CCDC178: variants seen among roughly 807,000 people sequenced by gnomAD.
CCDC178 encodes the protein coiled-coil domain-containing protein 178.
A neutral mutation model predicts 117.4 loss-of-function variants in CCDC178; 126 were observed. That is an observed-to-expected ratio of 1.07 (90% CI 0.93 to 1.24). The LOEUF is 1.24. Among genes scored for constraint, CCDC178 ranks in the 50% most tolerant of loss-of-function variants. The pLI is 0.00. For missense variants in CCDC178, 1,030 were observed against 986.9 expected, an observed-to-expected ratio of 1.04 and a Z score of -0.59; for synonymous variants, 283 against 313.4, an observed-to-expected ratio of 0.90 and a Z score of 1.02.
At chr18:33,354,193 T>C (rs544582502) in intron 7 of CCDC178, among the ~76,000 whole-genome samples, 2 of 152,326 alleles carry the variant, frequency 1.3e-5, no homozygotes, top group East Asian at 3.9e-4. Flanking sequence ...AAGTTGCTTC[T>C]CTTGTGCTGC....
intron 22 of CCDC178, among the ~76,000 whole-genome samples, chr18:32,951,786 C>G (rs2054491117): frequency 6.6e-6 from 1 of 152,150 alleles, no homozygotes; most frequent in South Asian, 2.1e-4. Flanking sequence ...TCCTTTTGAC[C>G]TATGAGCCTG....
At chr18:33,143,443 C>T (rs1344076087) in intron 20 of CCDC178, among the ~76,000 whole-genome samples, 1 of 152,122 alleles carries the variant, frequency 6.6e-6, no homozygotes, top group Non-Finnish European at 1.5e-5. Flanking sequence ...ATAAATGTAG[C>T]CCCTGAATAT....
intron 9 of CCDC178, among the ~76,000 whole-genome samples, chr18:33,344,027 G>A (rs1303800526): frequency 2.6e-5 from 4 of 151,966 alleles, no homozygotes; most frequent in Admixed American, 6.6e-5. Context: ...AAATACGGCC[G>A]GGCGCGGTGG....
intron 22 of CCDC178, among the ~76,000 whole-genome samples, chr18:32,963,104 A>C (rs1485382518): frequency 6.6e-6 from 1 of 152,106 alleles, no homozygotes; most frequent in Non-Finnish European, 1.5e-5. Flanking sequence ...GGTTAAGAAC[A>C]GGTACCTCAC....
At chr18:33,106,441 A>G (rs2057705588) in intron 20 of CCDC178, among the ~76,000 whole-genome samples, 1 of 151,704 alleles carries the variant, frequency 6.6e-6, no homozygotes, top group African/African-American at 2.4e-5. Context: ...TAGCCTTTAT[A>G]CGGAAACCTG....
At chr18:32,958,398 TC>T (rs960110507) in intron 22 of CCDC178, among the ~76,000 whole-genome samples, 1 of 152,210 alleles carries the variant, frequency 6.6e-6, no homozygotes, top group African/African-American at 2.4e-5. Context: ...AAAACCAGTG[TC>T]TTTAAATAAG....
chr18:33,094,087 A>G (rs1381071160), intron 20 of CCDC178, among the ~76,000 whole-genome samples: 1 of 152,076 alleles, frequency 6.6e-6, no homozygotes, highest in Non-Finnish European at 1.5e-5. Context: ...ACACACTTGA[A>G]GATTTATTAA....
At chr18:33,125,551 A>T (rs961754929) in intron 20 of CCDC178, among the ~76,000 whole-genome samples, 1 of 152,232 alleles carries the variant, frequency 6.6e-6, no homozygotes, top group African/African-American at 2.4e-5. Flanking sequence ...TTCTTAAAGA[A>T]AATGCAGAGT....
intron 10 of CCDC178, among the ~76,000 whole-genome samples, chr18:33,332,658 C>T (rs1265765667): frequency 6.6e-6 from 1 of 152,098 alleles, no homozygotes; most frequent in Non-Finnish European, 1.5e-5. Flanking sequence ...TCACTGCAAC[C>T]TCAACCTCCA....
chr18:33,353,653 T>A (rs1308073549), intron 7 of CCDC178, among the ~76,000 whole-genome samples: 5 of 152,110 alleles, frequency 3.3e-5, no homozygotes, highest in African/African-American at 9.6e-5. Context: ...AGTATACCTA[T>A]CTATTTATAT....
intron 14 of CCDC178, among the ~76,000 whole-genome samples, chr18:33,256,943 G>T (rs1382049492): frequency 6.6e-6 from 1 of 151,996 alleles, no homozygotes; most frequent in Non-Finnish European, 1.5e-5. Context: ...AACTTAGATA[G>T]AATAAATCTC....
At chr18:33,418,289 C>G (rs940056438) in intron 2 of CCDC178, among the ~76,000 whole-genome samples, 1 of 152,068 alleles carries the variant, frequency 6.6e-6, no homozygotes, top group African/African-American at 2.4e-5. Flanking sequence ...ATTTAACATC[C>G]ATTCATGTTA....
intron 3 of CCDC178, 73 bp from the exon 4 acceptor site, chr18:33,397,281 G>A (rs2063652600): frequency 1.0e-6 from 1 of 973,380 alleles, no homozygotes; most frequent in Admixed American, 2.2e-5. Flanking sequence ...TATTGCACTA[G>A]TAAGGATACG....
At chr18:33,336,191 C>A (rs1371352875) in intron 9 of CCDC178, among the ~76,000 whole-genome samples, 1 of 152,052 alleles carries the variant, frequency 6.6e-6, no homozygotes, top group Non-Finnish European at 1.5e-5. Context: ...TCAATCTGAG[C>A]CACAGGTTGA....
At chr18:33,338,386 A>G (rs1206295174) in intron 9 of CCDC178, among the ~76,000 whole-genome samples, 1 of 152,222 alleles carries the variant, frequency 6.6e-6, no homozygotes, top group African/African-American at 2.4e-5. Context: ...CATTTGATCC[A>G]GCAATCCCAT....
At chr18:33,156,670 A>G (rs931446816) in intron 20 of CCDC178, among the ~76,000 whole-genome samples, 1 of 151,282 alleles carries the variant, frequency 6.6e-6, no homozygotes, top group African/African-American at 2.4e-5. Context: ...AAGAGAAAAT[A>G]AAAGCAAAAG....
intron 11 of CCDC178, among the ~76,000 whole-genome samples, chr18:33,295,825 TG>T (rs1209713182): frequency 6.6e-6 from 1 of 152,178 alleles, no homozygotes; most frequent in Non-Finnish European, 1.5e-5. Context: ...CATACATTGC[TG>T]GCATTCATAT....
At chr18:33,268,808 G>C (rs752201139) in intron 12 of CCDC178, among the ~76,000 whole-genome samples, 10 of 151,516 alleles carry the variant, frequency 6.6e-5, no homozygotes, top group Non-Finnish European at 4.4e-5. Context: ...AAAAAAAACT[G>C]ATAAAAAAAT....
intron 10 of CCDC178, among the ~76,000 whole-genome samples, chr18:33,331,078 C>T (rs937063705): frequency 1.4e-4 from 12 of 88,070 alleles, no homozygotes; most frequent in Admixed American, 1.0e-3. Context: ...ATTCTTTCTT[C>T]CCATTCACAA....
Sources: allele counts gnomAD v4.1 joint callset (sites outside exome capture counted in the v4.1 genomes callset), GRCh38; gene constraint gnomAD v4.1.1; transcripts MANE v1.5; gene names NCBI Gene and HGNC (gene_info 2026-07-23, HGNC 2026-07-21).